Variants in CUX2 observed in about 807,000 individuals in gnomAD.
CUX2 encodes the protein cut like homeobox 2, also known as homeobox protein cut-like 2.
CUX2 carries 40 observed loss-of-function variants against 144.8 expected under a neutral mutation model. That is an observed-to-expected ratio of 0.28 (90% CI 0.21 to 0.36). CUX2 has a LOEUF of 0.36. Among genes scored for constraint, CUX2 ranks in the 10% least tolerant of loss-of-function variants. The probability of loss-of-function intolerance (pLI) is 1.00; values close to 1 mark genes in which losing one functional copy is unlikely to be tolerated. For missense variants in CUX2, 1,615 were observed against 1,994.0 expected, an observed-to-expected ratio of 0.81 and a Z score of 3.62; for synonymous variants, 827 against 875.6, an observed-to-expected ratio of 0.94 and a Z score of 0.98.
intron 1 of CUX2, among the ~76,000 whole-genome samples, chr12:111,049,135 A>G (rs971687936): frequency 6.6e-6 from 1 of 151,680 alleles, no homozygotes; most frequent in Non-Finnish European, 1.5e-5. Context: ...CCATCCATCT[A>G]TCCATCCATG....
chr12:111,183,696 C>A (rs1879335413), intron 1 of CUX2, among the ~76,000 whole-genome samples: 1 of 152,184 alleles, frequency 6.6e-6, no homozygotes, highest in Non-Finnish European at 1.5e-5. Flanking sequence ...GACAGTGCAT[C>A]CCTGTCCAGG....
chr12:111,107,586 A>C (rs967764003), intron 1 of CUX2, among the ~76,000 whole-genome samples: 1 of 152,242 alleles, frequency 6.6e-6, no homozygotes, highest in Non-Finnish European at 1.5e-5. Context: ...GTATTGGGAC[A>C]TGTGCCCTGG....
intron 6 of CUX2, among the ~76,000 whole-genome samples, chr12:111,294,529 G>T (rs1885863008): frequency 6.7e-6 from 1 of 149,484 alleles, no homozygotes. Context: ...GCTGTAGTGA[G>T]CTATGATTGC....
chr12:111,201,277 A>G (rs1241786026), intron 1 of CUX2, among the ~76,000 whole-genome samples: 1 of 152,136 alleles, frequency 6.6e-6, no homozygotes, highest in East Asian at 1.9e-4. Context: ...CTCTAGGCTC[A>G]GTCTCTTGCC....
rs1010751322 is a variant in CUX2 at position 111,077,566 on chromosome 12, T to A, written c.63+43326T>A. 3.9e-5 allele frequency among the ~76,000 whole-genome samples: 6 copies of A among 152,204 alleles called. No homozygotes were observed. The highest frequency in any genetic ancestry group is 1.2e-4 in the African/African-American group (5 of 41,444). ...AGGTTTGGTTTTCGATGTCAGCAGCTCTCTTGATAACGTATGAAAGAATCC... is the reference window on the plus strand; with the variant it reads ...AGGTTTGGTTTTCGATGTCAGCAGCACTCTTGATAACGTATGAAAGAATCC... On this transcript the variant is annotated intron_variant, in intron 1 of 21. Coordinates refer to ENST00000261726, the MANE Select transcript of CUX2 (RefSeq NM_015267.4). This position sits in a 1 kb window ranked among gnomAD's most constrained non-coding sequence, Gnocchi z 4.1.
intron 3 of CUX2, among the ~76,000 whole-genome samples, chr12:111,239,441 C>T (rs1882915325): frequency 6.6e-6 from 1 of 152,142 alleles, no homozygotes; most frequent in Non-Finnish European, 1.5e-5. Flanking sequence ...AAGTCGCAGC[C>T]CAGTTGCGTT....
intron 1 of CUX2, among the ~76,000 whole-genome samples, chr12:111,189,776 G>T (rs1182471235): frequency 6.6e-6 from 1 of 152,166 alleles, no homozygotes; most frequent in East Asian, 1.9e-4. Context: ...CTCGGGTGAT[G>T]CCGACGCTGC....
intron 3 of CUX2, among the ~76,000 whole-genome samples, chr12:111,220,743 C>CAAAAAAAAA (rs549438290): frequency 2.3e-4 from 9 of 39,130 alleles, no homozygotes; most frequent in African/African-American, 6.3e-4. Context: ...CTCATCTCTG[C>CAAAAAAAAA]AAAAAAAAAA....
At chr12:111,110,952 A>AG (rs1873910910) in intron 1 of CUX2, among the ~76,000 whole-genome samples, 1 of 152,092 alleles carries the variant, frequency 6.6e-6, no homozygotes, top group Non-Finnish European at 1.5e-5. Flanking sequence ...GGTGCAGGGG[A>AG]GGGGAAGGGT....
At chr12:111,076,685 C>G (rs961746494) in intron 1 of CUX2, among the ~76,000 whole-genome samples, 10 of 152,236 alleles carry the variant, frequency 6.6e-5, no homozygotes, top group Non-Finnish European at 1.3e-4. Context: ...CAGTCTGTTT[C>G]CAGCCCTGCT....
At position 111,320,667 on chromosome 12, in the gene CUX2, G is replaced by A. The variant is rs1182136570; in HGVS notation, c.2658G>A (p.Glu886=). ...CCACCGTGCCGCCGCTGACCCCCGA[G>A]CAGTACGAGCTGTACATGTACCGTG... ...LKPTVPPLTP[E]QYELYMYREV... is the part of the protein sequence containing the mutation. The change falls in exon 17 of 22, where the codon GAG becomes GAA. Residue 886 remains glutamate, a synonymous_variant. Coordinates refer to ENST00000261726, the MANE Select transcript of CUX2 (RefSeq NM_015267.4). This position sits in a 1 kb window ranked among gnomAD's most constrained non-coding sequence, Gnocchi z 8.1. 6.3e-7 allele frequency: 1 copy of A among 1,597,220 alleles called. No individual in the cohort carries two copies. The highest frequency in any genetic ancestry group is 8.5e-7 in the Non-Finnish European group (1 of 1,179,314).
At position 111,176,512 on chromosome 12, in the gene CUX2, G is replaced by A. The variant is rs1878864817; in HGVS notation, c.64-37688G>A. ...ATAACCACAGTGCCCATGTCATGGG[G>A]CTGTGGGCAGGATTAAATGAACTAA... On this transcript the variant is annotated intron_variant, in intron 1 of 21. Coordinates refer to ENST00000261726, the MANE Select transcript of CUX2 (RefSeq NM_015267.4). 2.0e-5 allele frequency among the ~76,000 whole-genome samples: 3 copies of A among 152,158 alleles called. No homozygotes were observed. In the South Asian group the frequency reaches 6.2e-4, roughly 31 times the overall value.
chr12:111,343,322 T>C (rs1888656535), intron 21 of CUX2, among the ~76,000 whole-genome samples: 1 of 152,118 alleles, frequency 6.6e-6, no homozygotes, highest in Non-Finnish European at 1.5e-5. Flanking sequence ...CTGAAGTAGG[T>C]TGAGCTTCCT....
chr12:111,246,674 T>C lies in CUX2; in HGVS notation c.223-17087T>C, dbSNP rs879746756. Among the ~76,000 whole-genome samples, 7 of 152,170 alleles carry C rather than the reference T, an allele frequency of 4.6e-5. No homozygotes were observed. Among genetic ancestry groups the C allele is most frequent in the Non-Finnish European group, 1.0e-4 (7 of 68,024 alleles). On this transcript the variant is annotated intron_variant, in intron 3 of 21. Coordinates refer to ENST00000261726, the MANE Select transcript of CUX2 (RefSeq NM_015267.4). This position sits in a 1 kb window ranked among gnomAD's most constrained non-coding sequence, Gnocchi z 4.0. ...GACCACAGACTCCACGTTTGCAAAG[T>C]TGGACTTAGAGGAATGGACTGTGGG...
chr12:111,156,981 C>A (rs1342681708), intron 1 of CUX2, among the ~76,000 whole-genome samples: 4 of 61,036 alleles, frequency 6.6e-5, no homozygotes, highest in Admixed American at 1.7e-4. Context: ...AGCAAAACTT[C>A]TCTCAAAAAA....
At chr12:111,210,846 C>T (rs933569572) in intron 1 of CUX2, among the ~76,000 whole-genome samples, 1 of 151,822 alleles carries the variant, frequency 6.6e-6, no homozygotes, top group Non-Finnish European at 1.5e-5. Context: ...CTTTACACAT[C>T]CATATCATTT....
intron 8 of CUX2, 105 bp from the exon 9 acceptor site, chr12:111,298,436 C>G (rs895867482): frequency 2.4e-6 from 3 of 1,228,344 alleles, no homozygotes; most frequent in Non-Finnish European, 3.4e-6. Flanking sequence ...GTAGCAAGGC[C>G]TTCAGCCCTC....
At chr12:111,205,147 G>C (rs867898656) in intron 1 of CUX2, among the ~76,000 whole-genome samples, 28 of 135,478 alleles carry the variant, frequency 2.1e-4, no homozygotes, top group Middle Eastern at 4.2e-3. Context: ...CATCCGTCTT[G>C]TCTTGTCTTG....
chr12:111,081,281 C>T (rs1438992505), intron 1 of CUX2, among the ~76,000 whole-genome samples: 4 of 152,106 alleles, frequency 2.6e-5, no homozygotes, highest in Non-Finnish European at 5.9e-5. Flanking sequence ...AGATAAAGTT[C>T]ATTTTATTTT....
Sources: allele counts gnomAD v4.1 joint callset (sites outside exome capture counted in the v4.1 genomes callset), GRCh38; gene constraint gnomAD v4.1.1; non-coding constraint Gnocchi (gnomAD v3.1); transcripts MANE v1.5; gene names NCBI Gene and HGNC (gene_info 2026-07-23, HGNC 2026-07-21).